Variants in TMCO1 observed in about 807,000 individuals in gnomAD.
TMCO1 encodes the protein transmembrane and coiled-coil domains 1.
In TMCO1, 29 loss-of-function variants were observed where a neutral mutation model predicts 29.3. The ratio of observed to expected loss-of-function variants is 0.99; its 90% CI spans 0.74 to 1.35. The LOEUF (loss-of-function observed/expected upper bound fraction) is 1.35, where lower values mean the gene tolerates loss of function less well. TMCO1 is among the 40% of genes most tolerant of loss of function. The probability of loss-of-function intolerance (pLI) is 0.00; values close to 1 mark genes in which losing one functional copy is unlikely to be tolerated. For synonymous variants in TMCO1, 80 were observed against 77.1 expected (o/e 1.04, Z -0.20); for missense variants, 173 against 225.5 (o/e 0.77, Z 1.49).
intron 6 of TMCO1, among the ~76,000 whole-genome samples, chr1:165,740,806 C>T (rs747887392): frequency 3.3e-5 from 5 of 152,176 alleles, no homozygotes; most frequent in East Asian, 1.9e-4. Flanking sequence ...CTCTGGTTCT[C>T]GCTCTTGCCT....
intron 6 of TMCO1, among the ~76,000 whole-genome samples, chr1:165,732,388 CA>C (rs34558487): frequency 0.017 from 1,557 of 89,698 alleles, 30 homozygotes; most frequent in African/African-American, 0.051. Context: ...CATAAAGAAG[CA>C]AAAAAAAAAA....
intron 5 of TMCO1, among the ~76,000 whole-genome samples, chr1:165,744,812 A>T (rs73022528): frequency 7.2e-6 from 1 of 138,594 alleles, no homozygotes; most frequent in African/African-American, 2.7e-5. Context: ...AAAAAAAAAA[A>T]TTTCAATTCT....
Position 165,727,589 on chromosome 1 carries a change from T to C in TMCO1, c.*434A>G, listed in dbSNP as rs191912742. 16 of 453,112 alleles carry C rather than the reference T, an allele frequency of 3.5e-5. No homozygotes were observed. Among genetic ancestry groups the C allele is most frequent in the African/African-American group, 1.8e-4 (9 of 50,032 alleles). The allele number at this position is 453,112 out of a possible 1,614,324, so 28.1% of individuals were successfully genotyped here. ...GCCTCTTTATTGATCTTATGTCATGTATTTGGCTTGAAAAAAAAACAACAA... is the reference window on the plus strand; with the variant it reads ...GCCTCTTTATTGATCTTATGTCATGCATTTGGCTTGAAAAAAAAACAACAA... On this transcript the variant is annotated 3_prime_UTR_variant, in exon 7 of 7. Transcript: ENST00000367881.
intron 4 of TMCO1, among the ~76,000 whole-genome samples, chr1:165,753,454 T>C (rs911930375): frequency 2.7e-5 from 3 of 110,594 alleles, no homozygotes; most frequent in East Asian, 5.7e-4. Context: ...ACCTTGGTAA[T>C]AGAGCAAGAC....
At chr1:165,750,296 T>C (rs1651947343) in intron 5 of TMCO1, among the ~76,000 whole-genome samples, 1 of 152,056 alleles carries the variant, frequency 6.6e-6, no homozygotes, top group South Asian at 2.1e-4. Context: ...TCCCAGCACT[T>C]TGGGAGGCCA....
intron 6 of TMCO1, among the ~76,000 whole-genome samples, chr1:165,732,142 C>T (rs187001118): frequency 6.0e-4 from 92 of 152,092 alleles, no homozygotes; most frequent in Admixed American, 1.6e-3. Context: ...GTAAAAGGAC[C>T]AGACGTCACT....
intron 6 of TMCO1, among the ~76,000 whole-genome samples, chr1:165,733,726 G>A (rs1458861644): frequency 2.6e-5 from 4 of 152,186 alleles, no homozygotes; most frequent in African/African-American, 9.6e-5. Context: ...TTGGAAAAAT[G>A]TAAAACAATT....
chr1:165,757,894 ACC>A (rs1558040802), intron 3 of TMCO1, among the ~76,000 whole-genome samples: 1 of 152,172 alleles, frequency 6.6e-6, no homozygotes, highest in Non-Finnish European at 1.5e-5. Flanking sequence ...ATTCAGATAC[ACC>A]GTGTTGCCAA....
chr1:165,735,184 G>A (rs1025752995), intron 6 of TMCO1, among the ~76,000 whole-genome samples: 1 of 151,816 alleles, frequency 6.6e-6, no homozygotes, highest in Non-Finnish European at 1.5e-5. Flanking sequence ...TCTTTCTCCC[G>A]TATCTTTCCA....
chr1:165,755,991 A>G (rs1419139138), intron 3 of TMCO1, among the ~76,000 whole-genome samples: 1 of 152,038 alleles, frequency 6.6e-6, no homozygotes. Context: ...AAAAGTTATA[A>G]TATGGTACTG....
intron 5 of TMCO1, among the ~76,000 whole-genome samples, chr1:165,751,286 G>A (rs1238671724): frequency 7.2e-5 from 11 of 152,110 alleles, no homozygotes; most frequent in Non-Finnish European, 1.5e-4. Context: ...GTAAGCAACT[G>A]AAAAAGAGGG....
intron 6 of TMCO1, among the ~76,000 whole-genome samples, chr1:165,730,227 T>G (rs956331309): frequency 1.3e-4 from 19 of 149,860 alleles, no homozygotes; most frequent in Non-Finnish European, 2.2e-4. Context: ...TCCCAGCTAC[T>G]CAGGAGGCTG....
downstream of TMCO1, chr1:165,725,075 T>C (rs755592325): frequency 3.3e-5 from 13 of 399,540 alleles, no homozygotes; most frequent in South Asian, 2.3e-4. Flanking sequence ...TAATAGTATA[T>C]TTTTGAGATT....
chr1:165,757,098 C>G (rs935596962), intron 3 of TMCO1, among the ~76,000 whole-genome samples: 1 of 151,994 alleles, frequency 6.6e-6, no homozygotes, highest in African/African-American at 2.4e-5. Flanking sequence ...GCACAGTGTC[C>G]GTAAGATAAA....
At position 165,727,466 on chromosome 1, in the gene TMCO1, T is replaced by C. The variant is rs894381288; in HGVS notation, c.*557A>G. 6.6e-6 allele frequency: 3 copies of C among 453,888 alleles called. No homozygotes were observed. The East Asian group carries it at 2.1e-4, about 32-fold the overall frequency. The allele number at this position is 453,888 out of a possible 1,614,324, so 28.1% of individuals were successfully genotyped here. Reference sequence around the variant, plus strand: ...AGTACAGTACCTTAAAAACTTTTATTTTAGTCCTTCCTGGCCCATGCTAAA... The same window carrying C: ...AGTACAGTACCTTAAAAACTTTTATCTTAGTCCTTCCTGGCCCATGCTAAA... On this transcript the variant is annotated 3_prime_UTR_variant, in exon 7 of 7. Coordinates refer to ENST00000367881, the MANE Select transcript of TMCO1 (RefSeq NM_019026.6).
At chr1:165,739,932 G>A (rs1444393834) in intron 6 of TMCO1, among the ~76,000 whole-genome samples, 2 of 151,782 alleles carry the variant, frequency 1.3e-5, no homozygotes, top group Non-Finnish European at 1.5e-5. Context: ...CCAACATGGC[G>A]AAACCCTGTC....
At chr1:165,766,103 C>T (rs979918325) in intron 2 of TMCO1, among the ~76,000 whole-genome samples, 4 of 152,132 alleles carry the variant, frequency 2.6e-5, no homozygotes, top group Non-Finnish European at 4.4e-5. Context: ...ACAGTATCTG[C>T]AGACAGACTA....
At chr1:165,728,211 C>T in intron 6 of TMCO1, 90 bp from the exon 7 acceptor site, 5 of 964,736 alleles carry the variant, frequency 5.2e-6, no homozygotes, top group South Asian at 5.1e-5. Context: ...GGAACTCATA[C>T]TCATATAGAT....
Position 165,727,290 on chromosome 1 carries a change from A to T in TMCO1, c.*733T>A, listed in dbSNP as rs1307761038. On this transcript the variant is annotated 3_prime_UTR_variant, in exon 7 of 7. Coordinates refer to ENST00000367881, the MANE Select transcript of TMCO1 (RefSeq NM_019026.6). ...GACCCTCATTTTTATTTATTTATTTATATTTAATTTTTTTTCAGACATCAG... is the reference window on the plus strand; with the variant it reads ...GACCCTCATTTTTATTTATTTATTTTTATTTAATTTTTTTTCAGACATCAG... The T allele has an allele frequency of 2.2e-6, 1 of 447,388 alleles. No homozygotes were observed. Among genetic ancestry groups the T allele is most frequent in the Admixed American group, 2.4e-5 (1 of 42,006 alleles). 27.7% of individuals were successfully genotyped at this position (447,388 alleles called of 1,614,324 possible). A position where few individuals can be genotyped will look rare whatever the true frequency, so the allele number is the denominator to read the frequency against.
Sources: gnomAD v4.1 joint callset for allele counts (sites outside exome capture counted in the v4.1 genomes callset) on GRCh38, gnomAD v4.1.1 for gene constraint, MANE v1.5 for transcripts, NCBI Gene and HGNC (gene_info 2026-07-23, HGNC 2026-07-21) for gene names.